Variants in IQCM observed in about 807,000 individuals in gnomAD.
IQCM encodes the protein IQ motif containing M.
Under a neutral mutation model 57.6 loss-of-function variants are expected in IQCM, and 45 were observed. That is an observed-to-expected ratio of 0.78 (90% CI 0.62 to 1.00). IQCM has a LOEUF of 1.00. Ranked by LOEUF, IQCM falls within the 50% of genes least tolerant of loss-of-function variation. IQCM has a pLI of 0.00. For synonymous variants in IQCM, 148 were observed against 158.9 expected, an observed-to-expected ratio of 0.93 and a Z score of 0.51; for missense variants, 468 against 511.6, an observed-to-expected ratio of 0.91 and a Z score of 0.82.
At chr4:149,515,071 C>CGTGTGTGTGTGTGT (rs58534209) in intron 12 of IQCM, among the ~76,000 whole-genome samples, 214 of 142,894 alleles carry the variant, frequency 1.5e-3, no homozygotes, top group Middle Eastern at 3.5e-3. Flanking sequence ...TATATATACA[C>CGTGTGTGTGTGTGT]GTGTGTGTGT....
chr4:149,723,237 A>G (rs28810969), intron 5 of IQCM, among the ~76,000 whole-genome samples: 43,341 of 151,734 alleles, frequency 0.29, 6,632 homozygotes, highest in East Asian at 0.51. Context: ...AGCAAACAGA[A>G]TTAGTTTTAC....
intron 5 of IQCM, among the ~76,000 whole-genome samples, chr4:149,708,597 C>A (rs1373872639): frequency 6.6e-6 from 1 of 151,932 alleles, no homozygotes; most frequent in Admixed American, 6.6e-5. Flanking sequence ...TAAAGAAATG[C>A]AAATTCCTGA....
At chr4:149,682,330 C>T in intron 6 of IQCM, 124 bp from the exon 7 acceptor site, 2 of 397,216 alleles carry the variant, frequency 5.0e-6, no homozygotes, top group Non-Finnish European at 8.8e-6. Flanking sequence ...GTCAACAGGA[C>T]TACACCTGTT....
intron 12 of IQCM, among the ~76,000 whole-genome samples, chr4:149,470,237 T>G (rs760754604): frequency 1.3e-5 from 2 of 150,902 alleles, no homozygotes; most frequent in Admixed American, 6.6e-5. Flanking sequence ...CCATCTCACA[T>G]GCAGAGACAC....
intron 7 of IQCM, among the ~76,000 whole-genome samples, chr4:149,671,727 C>T (rs891966572): frequency 1.8e-4 from 28 of 152,092 alleles, no homozygotes; most frequent in South Asian, 2.1e-4. Context: ...GCCTTCATTT[C>T]GTTATGTACC....
At chr4:149,570,014 A>C (rs529358171) in intron 9 of IQCM, among the ~76,000 whole-genome samples, 2 of 152,182 alleles carry the variant, frequency 1.3e-5, no homozygotes, top group South Asian at 4.1e-4. Flanking sequence ...AAATGGTTTC[A>C]ACTAACCCTT....
intron 2 of IQCM, among the ~76,000 whole-genome samples, chr4:149,802,946 C>A (rs1202753754): frequency 6.6e-6 from 1 of 151,916 alleles, no homozygotes; most frequent in Non-Finnish European, 1.5e-5. Context: ...AGGTCAGGAA[C>A]AATCCTAAAA....
chr4:149,786,675 A>G (rs1772107190), intron 2 of IQCM, among the ~76,000 whole-genome samples: 1 of 152,208 alleles, frequency 6.6e-6, no homozygotes, highest in Non-Finnish European at 1.5e-5. Context: ...AAAACTCAGG[A>G]AACAATAGAT....
intron 9 of IQCM, among the ~76,000 whole-genome samples, chr4:149,586,051 T>G (rs1177863988): frequency 1.3e-5 from 2 of 151,772 alleles, no homozygotes; most frequent in East Asian, 3.9e-4. Context: ...GCTGTCCAAT[T>G]TTTTATCATT....
At chr4:149,433,238 C>A (rs1735036865) in intron 13 of IQCM, among the ~76,000 whole-genome samples, 158 bp downstream of exon 13, 1 of 151,904 alleles carries the variant, frequency 6.6e-6, no homozygotes. Flanking sequence ...AAAATAGCCC[C>A]TTTTTAAATT....
At chr4:149,684,749 G>A (rs1051408839) in intron 6 of IQCM, among the ~76,000 whole-genome samples, 6 of 151,236 alleles carry the variant, frequency 4.0e-5, no homozygotes, top group Admixed American at 2.0e-4. Flanking sequence ...TAGTCACCAC[G>A]TCCCAAAGCA....
chr4:149,385,346 C>T (rs923482724), intron 13 of IQCM, among the ~76,000 whole-genome samples: 10 of 152,088 alleles, frequency 6.6e-5, no homozygotes, highest in East Asian at 1.9e-4. Flanking sequence ...ATAGACACCA[C>T]GGTAGCAGCC....
intron 12 of IQCM, among the ~76,000 whole-genome samples, chr4:149,542,698 T>C (rs1747975017): frequency 6.6e-6 from 1 of 152,154 alleles, no homozygotes; most frequent in Non-Finnish European, 1.5e-5. Flanking sequence ...TTTTGTTTAA[T>C]ATTTAAACAT....
At chr4:149,711,034 C>T (rs1394048) in intron 5 of IQCM, 36,926 of 151,960 alleles carry the variant, frequency 0.24, 5,127 homozygotes, top group Non-Finnish European at 0.3. Context: ...TCAATTGCTA[C>T]AGGATATAAC....
chr4:149,402,936 C>T (rs549420925), intron 13 of IQCM, among the ~76,000 whole-genome samples: 2 of 151,936 alleles, frequency 1.3e-5, no homozygotes, highest in South Asian at 4.1e-4. Flanking sequence ...CAAGTTCTCT[C>T]AACTCTATCA....
At chr4:149,708,340 GA>G (rs1397575069) in intron 5 of IQCM, among the ~76,000 whole-genome samples, 2 of 151,734 alleles carry the variant, frequency 1.3e-5, no homozygotes, top group Non-Finnish European at 2.9e-5. Context: ...AAACAAAGCT[GA>G]AAAGACTGTA....
At chr4:149,598,588 A>T (rs1343241045) in intron 8 of IQCM, among the ~76,000 whole-genome samples, 2 of 152,188 alleles carry the variant, frequency 1.3e-5, no homozygotes, top group East Asian at 3.8e-4. Flanking sequence ...TTAAAATACA[A>T]CCATGAGATG....
intron 12 of IQCM, among the ~76,000 whole-genome samples, chr4:149,441,503 A>G (rs916615439): frequency 6.6e-6 from 1 of 152,190 alleles, no homozygotes; most frequent in Non-Finnish European, 1.5e-5. Flanking sequence ...TGTGGTTTTC[A>G]GCTCTGCCTT....
rs545105546 is a variant in IQCM, at chr4:149,755,937, T to C, written c.-48-13198A>G. ...GAATGGAGGTGACTCTAGGACACCATTGGTACCAAAGTCCAAATGTAAAAG... is the reference window on the plus strand; with the variant it reads ...GAATGGAGGTGACTCTAGGACACCACTGGTACCAAAGTCCAAATGTAAAAG... On this transcript the variant is annotated intron_variant, in intron 2 of 13. Coordinates refer to ENST00000636793, the MANE Select transcript of IQCM (RefSeq NM_001363507.2). Among the ~76,000 whole-genome samples, 5 of 152,270 alleles carry C rather than the reference T, an allele frequency of 3.3e-5. No individual in the cohort carries two copies. In the South Asian group the frequency reaches 6.2e-4, roughly 19 times the overall value.
Sources: allele counts gnomAD v4.1 joint callset (sites outside exome capture counted in the v4.1 genomes callset), GRCh38; gene constraint gnomAD v4.1.1; transcripts MANE v1.5; gene names NCBI Gene and HGNC (gene_info 2026-07-23, HGNC 2026-07-21).